STK3: variants seen among roughly 807,000 people sequenced by gnomAD.
The protein encoded by STK3 is serine/threonine kinase 3.
Under a neutral mutation model 58.0 loss-of-function variants are expected in STK3, and 41 were observed. The ratio of observed to expected loss-of-function variants is 0.71; its 90% CI spans 0.55 to 0.92. STK3 has a LOEUF of 0.92. Among genes scored for constraint, STK3 ranks in the 40% least tolerant of loss-of-function variants. STK3 has a pLI of 0.00. For synonymous variants in STK3, 170 were observed against 191.0 expected (o/e 0.89, Z 0.91); for missense variants, 479 against 602.7 (o/e 0.79, Z 2.15).
At chr8:98,814,551 A>AGCTGGAGTGCAGTGGTACAATCACAGCCT (rs1834429198) in intron 1 of STK3, among the ~76,000 whole-genome samples, 1 of 151,790 alleles carries the variant, frequency 6.6e-6, no homozygotes, top group Non-Finnish European at 1.5e-5. Context: ...AGGTCACCCA[A>AGCTGGAGTGCAGTGGTACAATCACAGCCT]GCTGGAGTGC....
intron 6 of STK3, among the ~76,000 whole-genome samples, chr8:98,631,849 G>C (rs1819271902): frequency 6.6e-6 from 1 of 152,166 alleles, no homozygotes. Flanking sequence ...ATTTTTAATA[G>C]AAAATGCGTT....
intron 3 of STK3, among the ~76,000 whole-genome samples, chr8:98,420,723 G>A (rs1456167170): frequency 2.0e-5 from 3 of 152,182 alleles, no homozygotes; most frequent in Non-Finnish European, 4.4e-5. Flanking sequence ...CATTAAATGA[G>A]GTAATAATAG....
At chr8:98,888,116 C>A (rs560477139) in intron 1 of STK3, among the ~76,000 whole-genome samples, 177 of 152,134 alleles carry the variant, frequency 1.2e-3, no homozygotes, top group Middle Eastern at 3.4e-3. Context: ...GTCAGGAGAT[C>A]GAGAACAGCC....
intron 10 of STK3, among the ~76,000 whole-genome samples, chr8:98,477,672 T>C (rs1821432514): frequency 8.5e-6 from 1 of 117,120 alleles, no homozygotes; most frequent in Admixed American, 1.2e-4. Flanking sequence ...AAGGTTTCAA[T>C]GGCTAGCCTC....
At chr8:98,574,075 A>G (rs954704545) in intron 8 of STK3, among the ~76,000 whole-genome samples, 1 of 152,130 alleles carries the variant, frequency 6.6e-6, no homozygotes, top group African/African-American at 2.4e-5. Flanking sequence ...TATGGGAACT[A>G]TAATTAAAGA....
intron 6 of STK3, chr8:98,633,492 C>T (rs375152585): frequency 1.4e-5 from 9 of 628,598 alleles, no homozygotes; most frequent in Admixed American, 1.0e-4. Flanking sequence ...AGAACGATGG[C>T]GGTGGCGTTG....
intron 1 of STK3, chr8:98,438,087 G>A (rs1477546751): frequency 6.6e-6 from 1 of 152,254 alleles, no homozygotes; most frequent in African/African-American, 2.4e-5. Context: ...GGAGGATGGT[G>A]AGGTTTTATG....
At chr8:98,465,647 C>T (rs1041817249) in intron 10 of STK3, among the ~76,000 whole-genome samples, 4 of 152,166 alleles carry the variant, frequency 2.6e-5, no homozygotes, top group African/African-American at 9.7e-5. Context: ...GATACCCTGA[C>T]AAAACCAATA....
At chr8:98,617,844 C>A (rs1014782612) in intron 6 of STK3, among the ~76,000 whole-genome samples, 13 of 152,066 alleles carry the variant, frequency 8.5e-5, no homozygotes, top group Non-Finnish European at 1.6e-4. Context: ...GAAAAAGAGT[C>A]CAGGACCAGA....
intron 1 of STK3, among the ~76,000 whole-genome samples, chr8:98,903,557 C>CT (rs1200563228): frequency 2.2e-3 from 22 of 9,932 alleles, no homozygotes; most frequent in East Asian, 4.4e-3. Flanking sequence ...CTTCTTCTTC[C>CT]TTTTTTTTTT....
chr8:98,907,291 G>T (rs888448449), intron 1 of STK3, among the ~76,000 whole-genome samples: 4 of 152,020 alleles, frequency 2.6e-5, no homozygotes, highest in Non-Finnish European at 4.4e-5. Flanking sequence ...AGGCTGGCGG[G>T]TCACAAGTTC....
intron 10 of STK3, among the ~76,000 whole-genome samples, chr8:98,493,501 C>T (rs895090137): frequency 2.0e-5 from 3 of 152,152 alleles, no homozygotes; most frequent in Admixed American, 2.0e-4. Flanking sequence ...GGTTTTAGCT[C>T]TCCTATGATT....
At chr8:98,565,761 G>A (rs1812423307) in intron 8 of STK3, among the ~76,000 whole-genome samples, 1 of 151,996 alleles carries the variant, frequency 6.6e-6, no homozygotes, top group African/African-American at 2.4e-5. Flanking sequence ...CTCTTTAAAG[G>A]TGGACTTGCC....
chr8:98,662,766 C>G (rs1233935644), intron 6 of STK3, among the ~76,000 whole-genome samples: 2 of 151,612 alleles, frequency 1.3e-5, no homozygotes, highest in Non-Finnish European at 2.9e-5. Flanking sequence ...CATTGTTGTG[C>G]TGCACCCATT....
chr8:98,360,489 C>A, the STK3 span, among the ~76,000 whole-genome samples: 3 of 152,150 alleles, frequency 2.0e-5, no homozygotes, highest in African/African-American at 7.2e-5. Flanking sequence ...ACGAAGACAA[C>A]CATGTCTTTT....
intron 1 of STK3, among the ~76,000 whole-genome samples, chr8:98,443,348 A>G (rs1217262517): frequency 1.3e-5 from 2 of 152,204 alleles, no homozygotes; most frequent in African/African-American, 4.8e-5. Flanking sequence ...TTGGGCGATA[A>G]CAGGTATGAT....
chr8:98,491,323 C>T (rs1822683917), intron 10 of STK3, among the ~76,000 whole-genome samples: 1 of 152,026 alleles, frequency 6.6e-6, no homozygotes, highest in Non-Finnish European at 1.5e-5. Context: ...AATATCTGTT[C>T]TCTTGTCTAT....
intron 10 of STK3, among the ~76,000 whole-genome samples, chr8:98,469,380 G>A (rs1386495139): frequency 6.6e-6 from 1 of 152,132 alleles, no homozygotes; most frequent in African/African-American, 2.4e-5. Flanking sequence ...CAAAATGAGT[G>A]TGTTCCCAAA....
At chr8:98,610,788 C>T (rs1033556153) in intron 6 of STK3, among the ~76,000 whole-genome samples, 1 of 152,172 alleles carries the variant, frequency 6.6e-6, no homozygotes, top group Non-Finnish European at 1.5e-5. Context: ...GCAAAGGCTC[C>T]AGTTACCGGG....
Sources: gnomAD v4.1 joint callset for allele counts (sites outside exome capture counted in the v4.1 genomes callset) on GRCh38, gnomAD v4.1.1 for gene constraint, MANE v1.5 for transcripts, NCBI Gene and HGNC (gene_info 2026-07-23, HGNC 2026-07-21) for gene names.